The following SCN9A variants were observed in gnomAD, a reference collection of about 807,000 sequenced individuals.
SCN9A encodes sodium voltage-gated channel alpha subunit 9.
SCN9A carries 131 observed loss-of-function variants against 187.0 expected under a neutral mutation model. The ratio of observed to expected loss-of-function variants is 0.70; its 90% CI spans 0.61 to 0.81. The LOEUF (loss-of-function observed/expected upper bound fraction) is 0.81, where lower values mean the gene tolerates loss of function less well. SCN9A is among the 30% of genes least tolerant of loss of function. The probability of loss-of-function intolerance (pLI) is 0.00; values close to 1 mark genes in which losing one functional copy is unlikely to be tolerated. For missense variants in SCN9A, 2,252 were observed against 2,396.6 expected (o/e 0.94, Z 1.26); for synonymous variants, 809 against 808.6 (o/e 1.00, Z -0.01).
chr2:166,345,714 G>T (rs12993435), intron 1 of SCN9A, among the ~76,000 whole-genome samples: 31,194 of 152,044 alleles, frequency 0.21, 4,003 homozygotes, highest in African/African-American at 0.36. Context: ...TCCTGATGTT[G>T]TAAGTTGTCA....
chr2:166,228,762 T>G lies in SCN9A; in HGVS notation c.4135A>C (p.Asn1379His). ...ECFALMNVSQ[N>H]VRWKNLKVNF... Reference sequence around the variant, plus strand: ...ACTTTCAGGTTTTTCCATCGCACATTTTGACTAACATTCATAAGGGCAAAA... The same window carrying G: ...ACTTTCAGGTTTTTCCATCGCACATGTTGACTAACATTCATAAGGGCAAAA... The change falls in exon 22 of 27, where the codon AAT becomes CAT. Residue 1379 changes from asparagine (N) to histidine (H), a missense_variant. This residue lies in a region of SCN9A where 368 missense variants were observed against 408.6 expected (regional missense o/e 0.90). Coordinates refer to ENST00000642356, the MANE Select transcript of SCN9A (RefSeq NM_001365536.1). The G allele has an allele frequency of 1.2e-6, 2 of 1,613,904 alleles. No individual in the cohort carries two copies. The highest frequency in any genetic ancestry group is 1.7e-6 in the Non-Finnish European group (2 of 1,179,858).
intron 18 of SCN9A, among the ~76,000 whole-genome samples, chr2:166,246,534 A>G (rs1300865411): frequency 6.6e-6 from 1 of 152,034 alleles, no homozygotes; most frequent in Non-Finnish European, 1.5e-5. Flanking sequence ...AATCTTTTTC[A>G]GGGAAAATAA....
Position 166,199,340 on chromosome 2 carries a change from T to A in SCN9A, c.5299A>T (p.Thr1767Ser). 2 of 1,614,210 alleles carry A rather than the reference T, an allele frequency of 1.2e-6. No homozygotes were observed. The highest frequency in any genetic ancestry group is 1.6e-4 in the Middle Eastern group (1 of 6,062). Residue 1767 changes from threonine (T) to serine (S), a missense_variant, in exon 27 of 27, where the codon ACT (threonine) becomes TCT (serine). Physicochemically the swap from Thr to Ser is moderately conservative, Grantham distance 58. This residue lies in a region of SCN9A where 345 missense variants were observed against 344.6 expected (regional missense o/e 1.00). Coordinates refer to ENST00000642356, the MANE Select transcript of SCN9A (RefSeq NM_001365536.1). ...CTCAGAGGTTCAGTACTTTCTTCAG[T>A]GGCAACACTAAAATTCTCCAGTATG... ...AVILENFSVATEESTEPLSED... is the reference protein window; with the variant it reads ...AVILENFSVASEESTEPLSED...
chr2:166,211,211 C>CTT (rs1353065419), intron 24 of SCN9A, among the ~76,000 whole-genome samples: 1 of 151,946 alleles, frequency 6.6e-6, no homozygotes, highest in African/African-American at 2.4e-5. Flanking sequence ...TCAGTGGAAA[C>CTT]TTTAAAAGAG....
intron 11 of SCN9A, among the ~76,000 whole-genome samples, chr2:166,286,067 TG>T (rs1697726569): frequency 6.6e-6 from 1 of 152,194 alleles, no homozygotes; most frequent in East Asian, 1.9e-4. Context: ...ATTTCTACAA[TG>T]GTTCTCAGGA....
At position 166,212,360 on chromosome 2, in the gene SCN9A, G is replaced by C. The variant is rs1558952486; in HGVS notation, c.4399-7896C>G. Among the ~76,000 whole-genome samples, 3 of 152,218 alleles carry C rather than the reference G, an allele frequency of 2.0e-5. 1 individual carries two copies. In the South Asian group the frequency reaches 6.2e-4, roughly 32 times the overall value. ...CCCTGTAATTATATCAGCCAAAATAGATTTTAAATAAAAAACTGTCACAAG... is the reference window on the plus strand; with the variant it reads ...CCCTGTAATTATATCAGCCAAAATACATTTTAAATAAAAAACTGTCACAAG... On this transcript the variant is annotated intron_variant, in intron 24 of 26. Coordinates refer to ENST00000642356, the MANE Select transcript of SCN9A (RefSeq NM_001365536.1).
intron 24 of SCN9A, among the ~76,000 whole-genome samples, chr2:166,211,895 A>C (rs1389438721): frequency 6.6e-6 from 1 of 152,190 alleles, no homozygotes; most frequent in Non-Finnish European, 1.5e-5. Context: ...AAATTTAACA[A>C]AAAGGCAATA....
In SCN9A at chr2:166,213,978, T is replaced by C. The variant is rs1390729532; in HGVS notation, c.4399-9514A>G. ...GGAAGAAAACCAAATTTGCAGCTAC[T>C]TCCCAAGGGTTGAGAAACTATAGCA... On this transcript the variant is annotated intron_variant, in intron 24 of 26. Transcript: ENST00000642356. Among the ~76,000 whole-genome samples the C allele has an allele frequency of 3.3e-5, 5 of 152,290 alleles. No individual in the cohort carries two copies. In the East Asian group the frequency reaches 9.6e-4, roughly 29 times the overall value.
chr2:166,313,014 A>C (rs1289585310), intron 1 of SCN9A, among the ~76,000 whole-genome samples: 1 of 144,296 alleles, frequency 6.9e-6, no homozygotes, highest in African/African-American at 2.5e-5. Context: ...TGAATAATTA[A>C]ATAATATAGT....
At chr2:166,347,063 T>C (rs1699917416) in intron 1 of SCN9A, among the ~76,000 whole-genome samples, 2 of 152,212 alleles carry the variant, frequency 1.3e-5, no homozygotes, top group South Asian at 4.1e-4. Context: ...ATCTGCCTTG[T>C]CCACTTTTTA....
intron 5 of SCN9A, among the ~76,000 whole-genome samples, chr2:166,305,293 G>A (rs1487271057): frequency 1.3e-5 from 2 of 151,930 alleles, no homozygotes; most frequent in African/African-American, 4.8e-5. Context: ...AAAATAAACT[G>A]AGTGTATATA....
chr2:166,312,036 G>T (rs753348681), intron 1 of SCN9A, among the ~76,000 whole-genome samples: 10 of 152,074 alleles, frequency 6.6e-5, no homozygotes, highest in Non-Finnish European at 1.5e-4. Flanking sequence ...ACGCTTCATA[G>T]CTTTAAAGTA....
chr2:166,296,740 A>C (rs1698316872), intron 7 of SCN9A, among the ~76,000 whole-genome samples: 1 of 152,170 alleles, frequency 6.6e-6, no homozygotes, highest in Non-Finnish European at 1.5e-5. Context: ...AGGTTTGTAG[A>C]AAACTTTACA....
intron 1 of SCN9A, among the ~76,000 whole-genome samples, chr2:166,368,198 G>T (rs1700464435): frequency 6.6e-6 from 1 of 152,130 alleles, no homozygotes; most frequent in Non-Finnish European, 1.5e-5. Context: ...TGGTCATGAG[G>T]ATTTAAACGG....
chr2:166,296,990 G>A (rs933989599), intron 7 of SCN9A, among the ~76,000 whole-genome samples: 5 of 151,716 alleles, frequency 3.3e-5, no homozygotes, highest in Admixed American at 2.0e-4. Context: ...GAGGTCAGGA[G>A]ATCGAGACCA....
chr2:166,326,649 A>T (rs1331228736), intron 1 of SCN9A, among the ~76,000 whole-genome samples: 1 of 152,200 alleles, frequency 6.6e-6, no homozygotes, highest in Non-Finnish European at 1.5e-5. Flanking sequence ...TCCTTGGAGA[A>T]ATAGCCAAAT....
chr2:166,297,039 T>C (rs1367995350), intron 7 of SCN9A, among the ~76,000 whole-genome samples: 5 of 150,388 alleles, frequency 3.3e-5, no homozygotes. Context: ...CTACTAAAAA[T>C]ACAAAAAAAT....
rs757285775 is a variant in SCN9A, at chr2:166,199,087, C to T, written c.5552G>A (p.Gly1851Asp). 5 of 1,614,026 alleles carry T rather than the reference C, an allele frequency of 3.1e-6. No homozygotes were observed. The African/African-American group carries it at 6.7e-5, about 22-fold the overall frequency. ...ILFAFTKRVL[G>D]ESGEMDSLRS... is the part of the protein sequence containing the mutation. ...AAGAGAATCCATCTCCCCACTCTCA[C>T]CCAAAACACGCTTTGTAAAAGCAAA... Residue 1851 changes from glycine to aspartate, a missense_variant, in exon 27 of 27, where the codon GGT (glycine) becomes GAT (aspartate). Physicochemically the swap from Gly to Asp is moderately conservative, Grantham distance 94 (BLOSUM62 -1). Coordinates refer to ENST00000642356, the MANE Select transcript of SCN9A (RefSeq NM_001365536.1).
intron 1 of SCN9A, among the ~76,000 whole-genome samples, chr2:166,335,536 G>A (rs1699605591): frequency 6.6e-6 from 1 of 152,116 alleles, no homozygotes; most frequent in African/African-American, 2.4e-5. Flanking sequence ...TTGGAAACAT[G>A]GTCACTAGAG....
Sources: gnomAD v4.1 joint callset for allele counts (sites outside exome capture counted in the v4.1 genomes callset) on GRCh38, gnomAD v4.1.1 for gene constraint, gnomAD v4.1.1 regional missense constraint, MANE v1.5 for transcripts, NCBI Gene and HGNC (gene_info 2026-07-23, HGNC 2026-07-21) for gene names.